Variants in TBC1D5 observed in about 807,000 individuals in gnomAD.
TBC1D5 encodes the protein TBC1 domain family, member 5.
TBC1D5 carries 75 observed loss-of-function variants against 100.3 expected under a neutral mutation model. The observed-to-expected ratio is 0.75, with a 90% CI of 0.62 to 0.91. The LOEUF is 0.91. Among genes scored for constraint, TBC1D5 ranks in the 40% least tolerant of loss-of-function variants. The probability of loss-of-function intolerance (pLI) is 0.00; values close to 1 mark genes in which losing one functional copy is unlikely to be tolerated. For missense variants in TBC1D5, 910 were observed against 942.4 expected (o/e 0.97, Z 0.45); for synonymous variants, 323 against 325.6 (o/e 0.99, Z 0.09).
intron 2 of TBC1D5, among the ~76,000 whole-genome samples, chr3:17,512,710 T>A (rs1260867918): frequency 6.6e-6 from 1 of 152,216 alleles, no homozygotes; most frequent in Non-Finnish European, 1.5e-5. Context: ...ACACTTACTG[T>A]AAATAACAAT....
Position 17,436,793 on chromosome 3 carries a change from G to C in TBC1D5, c.98-8274C>G, listed in dbSNP as rs9853743. Among the ~76,000 whole-genome samples the C allele has an allele frequency of 9.5e-4, 144 of 152,268 alleles. 1 individual carries two copies. Among genetic ancestry groups the C allele is most frequent in the African/African-American group, 3.3e-3 (137 of 41,554 alleles). On this transcript the variant is annotated intron_variant, in intron 3 of 21. Transcript: ENST00000253692. ...TCAATAAACTAAAACTAACATGTAT[G>C]ATAGTACATAGTATTACACATATAG...
At chr3:17,297,344 A>G (rs368964504) in intron 14 of TBC1D5, among the ~76,000 whole-genome samples, 43 of 152,306 alleles carry the variant, frequency 2.8e-4, no homozygotes, top group African/African-American at 9.9e-4. Flanking sequence ...TGGAAGGCCA[A>G]GGTGGGCGGA....
chr3:17,212,043 C>G (rs2073047823), intron 18 of TBC1D5, among the ~76,000 whole-genome samples: 1 of 152,170 alleles, frequency 6.6e-6, no homozygotes, highest in African/African-American at 2.4e-5. Flanking sequence ...ACATGATATT[C>G]TATGTACCTT....
At chr3:17,547,611 C>T (rs1206703288) in intron 2 of TBC1D5, among the ~76,000 whole-genome samples, 1 of 152,138 alleles carries the variant, frequency 6.6e-6, no homozygotes, top group Non-Finnish European at 1.5e-5. Flanking sequence ...AAGTACTATA[C>T]ATGGTGCCAC....
rs369266851 is a variant in TBC1D5, at chr3:17,358,375, A to AG, written c.995+13699dup. On this transcript the variant is annotated intron_variant, in intron 13 of 21. Transcript: ENST00000253692. The stretch of plus-strand genomic sequence containing the variant: ...AATTTTTTGTATTTTTAGTGGAGAC[A>AG]GGGTTCCTCCACGTTGGTCAGGCTG... Among the ~76,000 whole-genome samples, 98 of 152,100 alleles carry AG rather than the reference A, an allele frequency of 6.4e-4. No homozygotes were observed. The Middle Eastern group carries it at 0.017, about 26-fold the overall frequency.
At chr3:17,510,165 T>C (rs1396894943) in intron 2 of TBC1D5, among the ~76,000 whole-genome samples, 3 of 152,060 alleles carry the variant, frequency 2.0e-5, no homozygotes, top group Non-Finnish European at 4.4e-5. Flanking sequence ...TTATAGGATA[T>C]GGTCTTCACC....
At chr3:17,341,379 G>C (rs947018595) in intron 13 of TBC1D5, among the ~76,000 whole-genome samples, 38 of 152,184 alleles carry the variant, frequency 2.5e-4, no homozygotes, top group African/African-American at 8.7e-4. Context: ...TGTATTTTTA[G>C]TAGAGACGGG....
rs756245518 is a variant in TBC1D5 at position 17,316,557 on chromosome 3, T to C, written c.996-8423A>G. On this transcript the variant is annotated intron_variant, in intron 13 of 21. Transcript: ENST00000253692. ...GTTATTGCGGATGCTTGTATTATCATGGAAAGTTATATTCTACTAAAAGGA... is the reference window on the plus strand; with the variant it reads ...GTTATTGCGGATGCTTGTATTATCACGGAAAGTTATATTCTACTAAAAGGA... 1.0e-3 allele frequency among the ~76,000 whole-genome samples: 155 copies of C among 152,262 alleles called. 1 individual carries two copies. Among genetic ancestry groups the C allele is most frequent in the Non-Finnish European group, 1.9e-4 (13 of 68,044 alleles).
chr3:17,275,946 A>G (rs918249472), intron 15 of TBC1D5, among the ~76,000 whole-genome samples: 3 of 152,178 alleles, frequency 2.0e-5, no homozygotes, highest in African/African-American at 7.2e-5. Context: ...TGGGTTTTCC[A>G]CATAGGTGTA....
At chr3:17,627,042 T>G (rs1375472219) in intron 1 of TBC1D5, among the ~76,000 whole-genome samples, 1 of 152,150 alleles carries the variant, frequency 6.6e-6, no homozygotes, top group Non-Finnish European at 1.5e-5. Context: ...AGGGTACAAA[T>G]TAAGAGACTT....
intron 8 of TBC1D5, among the ~76,000 whole-genome samples, chr3:17,390,295 G>C (rs1348922207): frequency 6.6e-6 from 1 of 152,100 alleles, no homozygotes; most frequent in Non-Finnish European, 1.5e-5. Context: ...ACAATGGTCT[G>C]TCATAATACA....
At chr3:17,689,097 T>C (rs1560469967) in intron 1 of TBC1D5, among the ~76,000 whole-genome samples, 1 of 152,042 alleles carries the variant, frequency 6.6e-6, no homozygotes, top group Non-Finnish European at 1.5e-5. Context: ...TGATTTACTT[T>C]CCAAAATCCC....
chr3:17,210,615 A>C (rs1382377437), intron 18 of TBC1D5, among the ~76,000 whole-genome samples: 2 of 152,038 alleles, frequency 1.3e-5, no homozygotes, highest in African/African-American at 4.8e-5. Flanking sequence ...AAGTCAGTAA[A>C]ATTCTTTTGT....
At chr3:17,163,384 T>A (rs1387682618) in intron 21 of TBC1D5, among the ~76,000 whole-genome samples, 1 of 152,052 alleles carries the variant, frequency 6.6e-6, no homozygotes, top group East Asian at 1.9e-4. Context: ...CACCTAGAAT[T>A]TTTTTCAAGA....
At chr3:17,518,540 G>A (rs1386465182) in intron 2 of TBC1D5, among the ~76,000 whole-genome samples, 3 of 152,172 alleles carry the variant, frequency 2.0e-5, no homozygotes, top group Non-Finnish European at 4.4e-5. Context: ...CCTTCCCACT[G>A]AGAGCCACTT....
chr3:17,380,653 T>C (rs2092910492), intron 9 of TBC1D5, among the ~76,000 whole-genome samples: 1 of 152,076 alleles, frequency 6.6e-6, no homozygotes, highest in African/African-American at 2.4e-5. Flanking sequence ...CACTCCAAAC[T>C]CATGCCAGTT....
At chr3:17,664,397 ATAATG>A (rs2067002763) in intron 1 of TBC1D5, among the ~76,000 whole-genome samples, 1 of 152,204 alleles carries the variant, frequency 6.6e-6, no homozygotes, top group African/African-American at 2.4e-5. Flanking sequence ...GATACCTAAT[ATAATG>A]TATTAAAAAA....
chr3:17,660,327 T>C (rs1450946276), intron 1 of TBC1D5, among the ~76,000 whole-genome samples: 2 of 152,152 alleles, frequency 1.3e-5, no homozygotes, highest in Non-Finnish European at 2.9e-5. Context: ...AAATCCAACA[T>C]CCATTTTTAC....
chr3:17,335,307 A>G (rs73145827), intron 13 of TBC1D5, among the ~76,000 whole-genome samples: 13,590 of 152,152 alleles, frequency 0.089, 1,385 homozygotes, highest in African/African-American at 0.25. Flanking sequence ...TTAACAGGAT[A>G]CATAAATGTG....
Sources: allele counts gnomAD v4.1 joint callset (sites outside exome capture counted in the v4.1 genomes callset), GRCh38; gene constraint gnomAD v4.1.1; transcripts MANE v1.5; gene names NCBI Gene and HGNC (gene_info 2026-07-23, HGNC 2026-07-21).